The following MIER3 variants were observed in gnomAD, a reference collection of about 807,000 sequenced individuals.
The protein encoded by MIER3 is MIER family member 3.
In MIER3, 9 loss-of-function variants were observed where a neutral mutation model predicts 63.2. The ratio of observed to expected loss-of-function variants is 0.14; its 90% CI spans 0.09 to 0.25. The LOEUF is 0.25. MIER3 is among the 10% of genes least tolerant of loss of function. The pLI is 1.00. For synonymous variants in MIER3, 205 were observed against 224.9 expected (o/e 0.91, Z 0.79); for missense variants, 512 against 666.2 (o/e 0.77, Z 2.55).
chr5:56,938,116 T>C (rs1425744882), intron 4 of MIER3, among the ~76,000 whole-genome samples: 1 of 152,240 alleles, frequency 6.6e-6, no homozygotes, highest in Non-Finnish European at 1.5e-5. Flanking sequence ...TGAACAGCAC[T>C]GACTACTGAC....
rs1749648662 is a variant in MIER3, at chr5:56,921,045, AAC to A, written c.*2081_*2082del. On this transcript the variant is annotated 3_prime_UTR_variant, in exon 13 of 13. Transcript: ENST00000381199. ...CTGATAATCAAAACTTTAGATAAGAAACACTGTTTCCATCTTATATCAAGACC... is the reference window on the plus strand; with the variant it reads ...CTGATAATCAAAACTTTAGATAAGAAACTGTTTCCATCTTATATCAAGACC... 1.3e-5 allele frequency: 2 copies of A among 152,578 alleles called. No individual in the cohort carries two copies. Among genetic ancestry groups the A allele is most frequent in the African/African-American group, 4.8e-5 (2 of 41,448 alleles). The allele number at this position is 152,578 out of a possible 1,614,324, so 9.5% of individuals were successfully genotyped here.
chr5:56,930,684 C>A lies in MIER3; in HGVS notation c.809G>T (p.Cys270Phe), dbSNP rs1263062498. Residue 270 changes from cysteine to phenylalanine, a missense_variant, in exon 9 of 13, where the codon TGC (cysteine) becomes TTC (phenylalanine). Cys to Phe is a radical substitution (Grantham distance 205). This residue lies in a region of MIER3 where 118 missense variants were observed against 133.6 expected (regional missense o/e 0.88). Transcript: ENST00000381199. ...NIKEAIERYC[C>F]NGKASQEGMT... ...CTTACCTTGAGAGGCCTTTCCATTG[C>A]AGCAGTATCTTTCGATTGCTTCCTT... 6.2e-7 allele frequency: 1 copy of A among 1,613,868 alleles called. No individual in the cohort carries two copies. Among genetic ancestry groups the A allele is most frequent in the African/African-American group, 1.3e-5 (1 of 75,038 alleles).
intron 2 of MIER3, among the ~76,000 whole-genome samples, chr5:56,948,744 T>C (rs1750914565): frequency 1.3e-5 from 2 of 152,192 alleles, no homozygotes; most frequent in African/African-American, 4.8e-5. Context: ...AAATTTTCTT[T>C]TTTTGAGGAA....
At position 56,920,761 on chromosome 5, in the gene MIER3, T is replaced by C. The variant is rs1327193698; in HGVS notation, c.*2367A>G. The C allele has an allele frequency of 4.6e-5, 7 of 152,250 alleles. No individual in the cohort carries two copies. The highest frequency in any genetic ancestry group is 5.9e-5 in the Non-Finnish European group (4 of 67,948). The allele number at this position is 152,250 out of a possible 1,614,324, so 9.4% of individuals were successfully genotyped here. A position where few individuals can be genotyped will look rare whatever the true frequency, so the allele number is the denominator to read the frequency against. On this transcript the variant is annotated 3_prime_UTR_variant, in exon 13 of 13. Coordinates refer to ENST00000381199, the MANE Select transcript of MIER3 (RefSeq NM_001297599.2). ...AAAATGGTATTATACATGGCAGAAG[T>C]AGTCAGAAAATATTGAATTAGATCT... is the stretch of plus-strand genomic sequence containing the variant.
At chr5:56,937,744 T>C in intron 4 of MIER3, 46 bp from the exon 5 acceptor site, 1 of 1,491,482 alleles carries the variant, frequency 6.7e-7, no homozygotes, top group Non-Finnish European at 9.0e-7. Context: ...TGATTACATC[T>C]CATTAATTAA....
At chr5:56,926,377 T>C (rs1749981853) in intron 10 of MIER3, among the ~76,000 whole-genome samples, 1 of 151,272 alleles carries the variant, frequency 6.6e-6, no homozygotes. Flanking sequence ...AATATACAAA[T>C]AACTCCTTAA....
chr5:56,951,154 C>T (rs956473375), intron 1 of MIER3, among the ~76,000 whole-genome samples: 8 of 152,192 alleles, frequency 5.3e-5, no homozygotes, highest in African/African-American at 1.7e-4. Flanking sequence ...CGTAGGCCAG[C>T]TCGAATCGGA....
Position 56,952,118 on chromosome 5 carries a change from G to A in MIER3, c.-16C>T. 7.8e-7 allele frequency: 1 copy of A among 1,289,050 alleles called. No individual in the cohort carries two copies. The highest frequency in any genetic ancestry group is 1.9e-5 in the South Asian group (1 of 52,460). The allele number at this position is 1,289,050 out of a possible 1,614,324, so 79.9% of individuals were successfully genotyped here. ...CCTCCGCCATATTGGTACCTTTAGG[G>A]CGAACGAGCAGCGCCGAGCCCAGTC... On this transcript the variant is annotated 5_prime_UTR_variant, in exon 1 of 13. Transcript: ENST00000381199.
rs1749752704 is a variant in MIER3, at chr5:56,923,114, G to A, written c.*14C>T. 9.3e-6 allele frequency: 15 copies of A among 1,607,912 alleles called. No homozygotes were observed. Among genetic ancestry groups the A allele is most frequent in the Non-Finnish European group, 1.3e-5 (15 of 1,175,038 alleles). On this transcript the variant is annotated 3_prime_UTR_variant, in exon 13 of 13. Coordinates refer to ENST00000381199, the MANE Select transcript of MIER3 (RefSeq NM_001297599.2). The stretch of plus-strand genomic sequence containing the variant: ...ACTGGTGCTGCACACGCAGTTCCGG[G>A]ATCCTCACTCAGGTCACTCAGAGTG...
intron 3 of MIER3, among the ~76,000 whole-genome samples, chr5:56,943,334 T>TA (rs1160996954): frequency 2.3e-4 from 30 of 132,390 alleles, no homozygotes; most frequent in Middle Eastern, 3.9e-3. Context: ...ATGTGGAAAT[T>TA]TAAAAAAAAA....
At chr5:56,926,100 A>T (rs1451157408) in intron 10 of MIER3, among the ~76,000 whole-genome samples, 1 of 152,174 alleles carries the variant, frequency 6.6e-6, no homozygotes, top group Non-Finnish European at 1.5e-5. Flanking sequence ...AAATTAACTC[A>T]AAATGGATTA....
rs1462098451 is a variant in MIER3 at position 56,921,329 on chromosome 5, TAAG to T, written c.*1796_*1798del. On this transcript the variant is annotated 3_prime_UTR_variant, in exon 13 of 13. Coordinates refer to ENST00000381199, the MANE Select transcript of MIER3 (RefSeq NM_001297599.2). ...AAAGTTTAGCACAACAACACAGCAA[TAAG>T]AAGCTGACAACTTGGATAAAAATAC... 4 of 152,322 alleles carry T rather than the reference TAAG, an allele frequency of 2.6e-5. No individual in the cohort carries two copies. Among genetic ancestry groups the T allele is most frequent in the African/African-American group, 9.7e-5 (4 of 41,438 alleles). 9.4% of individuals were successfully genotyped at this position (152,322 alleles called of 1,614,324 possible). A position where few individuals can be genotyped will look rare whatever the true frequency, so the allele number is the denominator to read the frequency against.
intron 1 of MIER3, among the ~76,000 whole-genome samples, chr5:56,951,429 C>A (rs1367772846): frequency 6.6e-6 from 1 of 152,110 alleles, no homozygotes; most frequent in Non-Finnish European, 1.5e-5. Context: ...AAAACTGGAG[C>A]TATCAAGCCG....
At chr5:56,950,736 G>A (rs968272358) in intron 1 of MIER3, 84 bp from the exon 2 acceptor site, 22 of 1,504,882 alleles carry the variant, frequency 1.5e-5, no homozygotes, top group Admixed American at 1.8e-5. Flanking sequence ...AGAGGAGGCG[G>A]AGTCGAGCGC....
chr5:56,923,999 A>G lies in MIER3; in HGVS notation c.968T>C (p.Met323Thr). ...ATCATAACGTTCAGATTTCTTCCACATATAGTAGAATGCTACACACTCAGC... is the reference window on the plus strand; with the variant it reads ...ATCATAACGTTCAGATTTCTTCCACGTATAGTAGAATGCTACACACTCAGC... ...TVAECVAFYY[M>T]WKKSERYDYF... Residue 323 changes from methionine to threonine, a missense_variant, in exon 11 of 13, where the codon ATG (methionine) becomes ACG (threonine). Physicochemically the swap from Met to Thr is moderately conservative, Grantham distance 81. This residue lies in a region of MIER3 where 34 missense variants were observed against 86.3 expected (regional missense o/e 0.39). Transcript: ENST00000381199. 1 of 1,614,092 alleles carries G rather than the reference A, an allele frequency of 6.2e-7. No individual in the cohort carries two copies.
In MIER3 at chr5:56,940,834, T is replaced by C. The variant is rs1284278258; in HGVS notation, c.181-1817A>G. On this transcript the variant is annotated intron_variant, in intron 3 of 12. Transcript: ENST00000381199. ...AATTTAGAGTCTCTCTACAGTCCTA[T>C]CTTGCTCCTTGCAGAGTCCATGCAG... Among the ~76,000 whole-genome samples the C allele has an allele frequency of 3.9e-5, 6 of 152,184 alleles. No individual in the cohort carries two copies. The South Asian group carries it at 1.2e-3, about 32-fold the overall frequency.
chr5:56,942,419 T>C lies in MIER3; in HGVS notation c.181-3402A>G, dbSNP rs568574778. Among the ~76,000 whole-genome samples the C allele has an allele frequency of 2.6e-5, 4 of 152,316 alleles. No homozygotes were observed. The South Asian group carries it at 6.2e-4, about 24-fold the overall frequency. ...TTAGGGAAAGATCCCTTTCTTGAGT[T>C]ACTTGATACAAGGAATGAAAGCAAC... On this transcript the variant is annotated intron_variant, in intron 3 of 12. Coordinates refer to ENST00000381199, the MANE Select transcript of MIER3 (RefSeq NM_001297599.2).
At chr5:56,941,648 G>A (rs2112132176) in intron 3 of MIER3, 1 of 152,358 alleles carries the variant, frequency 6.6e-6, no homozygotes, top group Non-Finnish European at 1.5e-5. Flanking sequence ...AGGGCCTCAG[G>A]GCCAGGGAAA....
chr5:56,945,128 G>A lies in MIER3; in HGVS notation c.180+1798C>T, dbSNP rs928614776. Among the ~76,000 whole-genome samples, 2 of 152,204 alleles carry A rather than the reference G, an allele frequency of 1.3e-5. 1 individual carries two copies. Among genetic ancestry groups the A allele is most frequent in the South Asian group, 4.1e-4 (2 of 4,820 alleles). On this transcript the variant is annotated intron_variant, in intron 3 of 12. Coordinates refer to ENST00000381199, the MANE Select transcript of MIER3 (RefSeq NM_001297599.2). ...ATTTTTCTCACAGTGAACATCAAGG[G>A]GGTAATTATGTATTAATAAAAGTAG...
Sources: gnomAD v4.1 joint callset for allele counts (sites outside exome capture counted in the v4.1 genomes callset) on GRCh38, gnomAD v4.1.1 for gene constraint, gnomAD v4.1.1 regional missense constraint, MANE v1.5 for transcripts, NCBI Gene and HGNC (gene_info 2026-07-23, HGNC 2026-07-21) for gene names.